The following HNF4G variants were observed in gnomAD, a reference collection of about 807,000 sequenced individuals.
HNF4G encodes the protein hepatocyte nuclear factor 4 gamma.
HNF4G carries 21 observed loss-of-function variants against 50.9 expected under a neutral mutation model. The observed-to-expected ratio is 0.41, with a 90% CI of 0.29 to 0.59. The LOEUF (loss-of-function observed/expected upper bound fraction) is 0.59. Ranked by LOEUF, HNF4G falls within the 20% of genes least tolerant of loss-of-function variation. The probability of loss-of-function intolerance (pLI) is 0.26; values close to 1 mark genes in which losing one functional copy is unlikely to be tolerated. For missense variants in HNF4G, 527 were observed against 559.4 expected, an observed-to-expected ratio of 0.94 and a Z score of 0.58; for synonymous variants, 198 against 185.6, an observed-to-expected ratio of 1.07 and a Z score of -0.54.
intron 1 of HNF4G, among the ~76,000 whole-genome samples, chr8:75,462,113 C>G (rs1811867482): frequency 6.6e-6 from 1 of 151,848 alleles, no homozygotes; most frequent in Non-Finnish European, 1.5e-5. Context: ...GATGGGGTTT[C>G]TCCATGTTGG....
At chr8:75,425,210 G>A (rs1383541630) in intron 1 of HNF4G, among the ~76,000 whole-genome samples, 2 of 151,700 alleles carry the variant, frequency 1.3e-5, no homozygotes, top group Non-Finnish European at 2.9e-5. Flanking sequence ...TCAGCCTCCC[G>A]AGTAGCTGGG....
At chr8:75,417,619 G>A (rs1050088459) in intron 1 of HNF4G, among the ~76,000 whole-genome samples, 3 of 152,066 alleles carry the variant, frequency 2.0e-5, no homozygotes, top group African/African-American at 7.2e-5. Context: ...ATGAAATAAG[G>A]TAATTTTATT....
At chr8:75,441,658 C>T (rs973637905) in intron 1 of HNF4G, among the ~76,000 whole-genome samples, 2 of 152,138 alleles carry the variant, frequency 1.3e-5, no homozygotes, top group African/African-American at 2.4e-5. Context: ...ATCAAACTAG[C>T]GAAGTCCTAT....
Position 75,564,741 on chromosome 8 carries a change from A to G in HNF4G, c.*645A>G, listed in dbSNP as rs907129511. On this transcript the variant is annotated 3_prime_UTR_variant, in exon 10 of 10. Transcript: ENST00000396423. ...CTGACTTTCTTTGAAGATGTATGTT[A>G]AGCAAAAACATGTTGCTTTTATCAG... 6.6e-6 allele frequency: 1 copy of G among 152,222 alleles called. No homozygotes were observed. Among genetic ancestry groups the G allele is most frequent in the African/African-American group, 2.4e-5 (1 of 41,456 alleles). The allele number at this position is 152,222 out of a possible 1,614,324, so 9.4% of individuals were successfully genotyped here.
upstream of HNF4G, among the ~76,000 whole-genome samples, chr8:75,537,515 G>C (rs1279761203): frequency 6.6e-6 from 1 of 151,982 alleles, no homozygotes; most frequent in African/African-American, 2.4e-5. Context: ...CAAAGTGCTG[G>C]GATTACAGGC....
At chr8:75,429,126 T>A (rs1280691449) in intron 1 of HNF4G, among the ~76,000 whole-genome samples, 1 of 152,144 alleles carries the variant, frequency 6.6e-6, no homozygotes, top group Non-Finnish European at 1.5e-5. Context: ...GTTTCTAGCT[T>A]GCCTAAATGA....
intron 1 of HNF4G, among the ~76,000 whole-genome samples, chr8:75,433,602 T>C (rs1563504391): frequency 6.6e-6 from 1 of 152,072 alleles, no homozygotes; most frequent in African/African-American, 2.4e-5. Flanking sequence ...CACTACTGTG[T>C]TGCACGGGCT....
chr8:75,500,490 A>G (rs545914567), intron 2 of HNF4G, among the ~76,000 whole-genome samples: 19 of 152,156 alleles, frequency 1.2e-4, no homozygotes, highest in South Asian at 2.1e-4. Context: ...TAGAGTTACC[A>G]TATGATCTAG....
chr8:75,518,095 G>A lies in HNF4G; in HGVS notation c.-23-25716G>A, dbSNP rs376262901. On this transcript the variant is annotated intron_variant, in intron 2 of 10. Transcript: ENST00000354370. ...GTTGGTGTGCTGCACCCATTAACTC[G>A]TCATTTAGCATTAGGTATATCTCCT... Among the ~76,000 whole-genome samples, 10 of 150,028 alleles carry A rather than the reference G, an allele frequency of 6.7e-5. No individual in the cohort carries two copies. The South Asian group carries it at 1.3e-3, about 19-fold the overall frequency.
intron 1 of HNF4G, among the ~76,000 whole-genome samples, chr8:75,489,024 C>G (rs949144307): frequency 2.6e-5 from 4 of 152,088 alleles, no homozygotes. Context: ...CAAGAAGCTC[C>G]CAGCACTGAT....
intron 1 of HNF4G, among the ~76,000 whole-genome samples, chr8:75,429,926 C>T (rs1005901525): frequency 1.3e-5 from 2 of 151,994 alleles, no homozygotes; most frequent in Non-Finnish European, 2.9e-5. Context: ...CCGAGGCCAG[C>T]GGATCACGAG....
Position 75,564,645 on chromosome 8 carries a change from T to G in HNF4G, c.*549T>G, listed in dbSNP as rs1298341205. The G allele has an allele frequency of 6.6e-6, 1 of 152,172 alleles. No individual in the cohort carries two copies. The highest frequency in any genetic ancestry group is 1.5e-5 in the Non-Finnish European group (1 of 68,020). 9.4% of individuals were successfully genotyped at this position (152,172 alleles called of 1,614,324 possible). ...AAGAAGCAACTCTTTGCTTTAGAGT[T>G]AAATATTCCTATCTTAAGTTTAGAA... On this transcript the variant is annotated 3_prime_UTR_variant, in exon 10 of 10. Transcript: ENST00000396423.
chr8:75,520,548 C>T (rs1806012564), intron 2 of HNF4G, among the ~76,000 whole-genome samples: 1 of 152,008 alleles, frequency 6.6e-6, no homozygotes, highest in African/African-American at 2.4e-5. Flanking sequence ...AGCAATATTC[C>T]TACCTCATCC....
chr8:75,486,285 T>C (rs1354289455), intron 1 of HNF4G, among the ~76,000 whole-genome samples: 4 of 152,212 alleles, frequency 2.6e-5, no homozygotes, highest in African/African-American at 9.6e-5. Context: ...TTAAGTTTTC[T>C]GCATGTCTTA....
At chr8:75,461,658 T>C (rs1338693943) in intron 1 of HNF4G, among the ~76,000 whole-genome samples, 1 of 152,100 alleles carries the variant, frequency 6.6e-6, no homozygotes, top group Non-Finnish European at 1.5e-5. Context: ...TTCTCCTTTA[T>C]CTGTGGGGGA....
intron 2 of HNF4G, among the ~76,000 whole-genome samples, chr8:75,525,081 G>C (rs185737285): frequency 6.6e-6 from 1 of 152,172 alleles, no homozygotes; most frequent in East Asian, 1.9e-4. Context: ...GAGGACAGAT[G>C]AGGTCATAGC....
upstream of HNF4G, among the ~76,000 whole-genome samples, chr8:75,535,352 AT>A (rs10695174): frequency 4.0e-5 from 6 of 150,798 alleles, no homozygotes; most frequent in Non-Finnish European, 7.4e-5. Context: ...AGGAAATATG[AT>A]TTTTTTTTAA....
chr8:75,482,643 C>T (rs1315503906), intron 1 of HNF4G, among the ~76,000 whole-genome samples: 1 of 152,172 alleles, frequency 6.6e-6, no homozygotes, highest in African/African-American at 2.4e-5. Flanking sequence ...GCTGGGATTA[C>T]AGGTGTGAGC....
intron 1 of HNF4G, among the ~76,000 whole-genome samples, chr8:75,433,412 CAAAAAAA>C (rs1186388765): frequency 1.6e-5 from 1 of 63,024 alleles, no homozygotes. Context: ...TGTCTCAGAA[CAAAAAAA>C]AAAAAAAAAA....
Sources: gnomAD v4.1 joint callset for allele counts (sites outside exome capture counted in the v4.1 genomes callset) on GRCh38, gnomAD v4.1.1 for gene constraint, MANE v1.5 for transcripts, NCBI Gene and HGNC (gene_info 2026-07-23, HGNC 2026-07-21) for gene names.